SORCS1: variants seen among roughly 807,000 people sequenced by gnomAD.
SORCS1 encodes sortilin related VPS10 domain containing receptor 1.
SORCS1 carries 60 observed loss-of-function variants against 146.1 expected under a neutral mutation model. That is an observed-to-expected ratio of 0.41 (90% CI 0.33 to 0.51). The LOEUF is 0.51. SORCS1 is among the 20% of genes least tolerant of loss of function. The probability of loss-of-function intolerance (pLI) is 0.21; values close to 1 mark genes in which losing one functional copy is unlikely to be tolerated. For missense variants in SORCS1, 1,352 were observed against 1,487.6 expected, an observed-to-expected ratio of 0.91 and a Z score of 1.50; for synonymous variants, 637 against 584.0, an observed-to-expected ratio of 1.09 and a Z score of -1.31.
At chr10:107,177,832 G>C in the SORCS1 span, among the ~76,000 whole-genome samples, 34,570 of 152,120 alleles carry the variant, frequency 0.23, 4,101 homozygotes, top group African/African-American at 0.28. Context: ...TAAAAAGAAA[G>C]AAAATCATTT....
At position 106,911,932 on chromosome 10, in the gene SORCS1, G is replaced by C. The variant is rs932376731; in HGVS notation, c.626+44581C>G. Among the ~76,000 whole-genome samples, 14 of 152,034 alleles carry C rather than the reference G, an allele frequency of 9.2e-5. No individual in the cohort carries two copies. The South Asian group carries it at 2.5e-3, about 27-fold the overall frequency. On this transcript the variant is annotated intron_variant, in intron 2 of 25. Transcript: ENST00000263054. ...TCAAGACCATCCTGGCTAACATGGA[G>C]AAACCCCGTCTCTACTAAAAAATAC...
intron 1 of SORCS1, among the ~76,000 whole-genome samples, chr10:107,006,002 T>C (rs1158855861): frequency 6.6e-6 from 1 of 152,234 alleles, no homozygotes; most frequent in African/African-American, 2.4e-5. Flanking sequence ...CTTTAGGCTG[T>C]ATTTTGACCC....
At chr10:106,585,066 CA>C (rs1472480216) in intron 24 of SORCS1, among the ~76,000 whole-genome samples, 1 of 151,256 alleles carries the variant, frequency 6.6e-6, no homozygotes, top group South Asian at 2.1e-4. Context: ...ATGTATAGTC[CA>C]AAAAAAATTA....
chr10:107,103,483 T>C (rs1965089196), intron 1 of SORCS1, among the ~76,000 whole-genome samples: 1 of 152,242 alleles, frequency 6.6e-6, no homozygotes, highest in South Asian at 2.1e-4. Context: ...TCAATGCAGC[T>C]TCCTCAGCAT....
intron 1 of SORCS1, among the ~76,000 whole-genome samples, chr10:107,015,590 T>A (rs1957864352): frequency 6.6e-6 from 1 of 152,132 alleles, no homozygotes; most frequent in Non-Finnish European, 1.5e-5. Flanking sequence ...GAAAACAATA[T>A]CCATAGTCAC....
chr10:106,626,211 G>A (rs1248611715), intron 19 of SORCS1, among the ~76,000 whole-genome samples: 2 of 152,180 alleles, frequency 1.3e-5, no homozygotes, highest in African/African-American at 4.8e-5. Context: ...TAGGAACTGG[G>A]GAGGGGCAGA....
chr10:106,817,853 A>C (rs1166388989), intron 3 of SORCS1, among the ~76,000 whole-genome samples: 1 of 152,180 alleles, frequency 6.6e-6, no homozygotes, highest in Non-Finnish European at 1.5e-5. Context: ...TCTGTTGTGA[A>C]TGTCATGACT....
intron 4 of SORCS1, among the ~76,000 whole-genome samples, chr10:106,775,685 A>G (rs1448142711): frequency 6.6e-6 from 1 of 152,252 alleles, no homozygotes; most frequent in African/African-American, 2.4e-5. Flanking sequence ...ACTTCACTGC[A>G]TAATGCATTT....
In SORCS1 at chr10:107,139,761, C is replaced by A. The variant is rs185757900; in HGVS notation, c.558+24208G>T. Among the ~76,000 whole-genome samples, 3 of 152,274 alleles carry A rather than the reference C, an allele frequency of 2.0e-5. No individual in the cohort carries two copies. The East Asian group carries it at 5.8e-4, about 29-fold the overall frequency. On this transcript the variant is annotated intron_variant, in intron 1 of 25. Coordinates refer to ENST00000263054, the MANE Select transcript of SORCS1 (RefSeq NM_052918.5). The stretch of plus-strand genomic sequence containing the variant: ...GTGATTGCAGTCCTTTCCGAAAAAC[C>A]TGGAATGACCAACACATGATATTAA...
intron 3 of SORCS1, among the ~76,000 whole-genome samples, chr10:106,805,568 A>T (rs915135041): frequency 6.6e-6 from 1 of 152,186 alleles, no homozygotes; most frequent in East Asian, 1.9e-4. Flanking sequence ...TAAGTGCTTT[A>T]TTCCCAATGC....
the SORCS1 span, among the ~76,000 whole-genome samples, chr10:107,175,718 T>A: frequency 1.3e-5 from 2 of 152,224 alleles, no homozygotes; most frequent in Non-Finnish European, 2.9e-5. Flanking sequence ...ATTATTGGTG[T>A]GAGCCACCGT....
chr10:106,888,404 A>C (rs1951090754), intron 2 of SORCS1, among the ~76,000 whole-genome samples: 1 of 152,202 alleles, frequency 6.6e-6, no homozygotes, highest in East Asian at 1.9e-4. Context: ...GAAAAGAAGA[A>C]AATATCAAGA....
chr10:106,793,248 GT>G (rs1435525504), intron 3 of SORCS1, among the ~76,000 whole-genome samples: 2 of 152,214 alleles, frequency 1.3e-5, no homozygotes, highest in African/African-American at 4.8e-5. Flanking sequence ...TCTGAAGGAA[GT>G]AAAGGTGTTT....
intron 2 of SORCS1, among the ~76,000 whole-genome samples, chr10:106,913,299 C>A (rs1157332393): frequency 6.6e-6 from 1 of 152,178 alleles, no homozygotes; most frequent in Non-Finnish European, 1.5e-5. Context: ...ACCAAAGCCT[C>A]CCCAGGCATT....
At chr10:106,601,747 G>A (rs1846254781) in intron 23 of SORCS1, among the ~76,000 whole-genome samples, 2 of 152,216 alleles carry the variant, frequency 1.3e-5, no homozygotes, top group Admixed American at 6.5e-5. Context: ...GGCTGGTGGA[G>A]CGGCCATCAC....
chr10:107,104,395 G>A (rs907667990), intron 1 of SORCS1, among the ~76,000 whole-genome samples: 6 of 152,184 alleles, frequency 3.9e-5, no homozygotes, highest in Non-Finnish European at 7.3e-5. Context: ...TGGCTTGAAA[G>A]GTCTGGCTTT....
chr10:106,914,970 G>A (rs761866211), intron 2 of SORCS1, among the ~76,000 whole-genome samples: 1 of 152,138 alleles, frequency 6.6e-6, no homozygotes, highest in African/African-American at 2.4e-5. Context: ...TCAAGCATGT[G>A]GAGTAACAGA....
chr10:106,701,374 T>C (rs1854127461), intron 8 of SORCS1, among the ~76,000 whole-genome samples: 1 of 152,136 alleles, frequency 6.6e-6, no homozygotes, highest in South Asian at 2.1e-4. Flanking sequence ...GAATATTCCA[T>C]TTCTCTGGCA....
intron 21 of SORCS1, among the ~76,000 whole-genome samples, chr10:106,616,273 G>A (rs966217676): frequency 3.3e-5 from 5 of 152,058 alleles, no homozygotes; most frequent in African/African-American, 1.2e-4. Context: ...ATAGGTCAGT[G>A]CCCATTAGTG....
Sources: gnomAD v4.1 joint callset for allele counts (sites outside exome capture counted in the v4.1 genomes callset) on GRCh38, gnomAD v4.1.1 for gene constraint, MANE v1.5 for transcripts, NCBI Gene and HGNC (gene_info 2026-07-23, HGNC 2026-07-21) for gene names.